The following FAM210A variants were observed in gnomAD, a reference collection of about 807,000 sequenced individuals.
The protein encoded by FAM210A is mitochondrial inner membrane scaffold 1.
FAM210A carries 13 observed loss-of-function variants against 25.3 expected under a neutral mutation model. The ratio of observed to expected loss-of-function variants is 0.51; its 90% CI spans 0.33 to 0.82. The LOEUF is 0.82. Ranked by LOEUF, FAM210A falls within the 40% of genes least tolerant of loss-of-function variation. The pLI is 0.02. For missense variants in FAM210A, 319 were observed against 323.2 expected (o/e 0.99, Z 0.10); for synonymous variants, 125 against 118.7 (o/e 1.05, Z -0.35).
At chr18:13,670,237 G>A (rs2043430719) in intron 3 of FAM210A, among the ~76,000 whole-genome samples, 1 of 152,134 alleles carries the variant, frequency 6.6e-6, no homozygotes, top group Non-Finnish European at 1.5e-5. Context: ...TCATGCTATG[G>A]GAGTGGGATA....
At chr18:13,666,994 G>C (rs1477738743) in intron 3 of FAM210A, among the ~76,000 whole-genome samples, 1 of 152,180 alleles carries the variant, frequency 6.6e-6, no homozygotes, top group Non-Finnish European at 1.5e-5. Context: ...AAACTTGGGG[G>C]ACAGGTCAAC....
At chr18:13,668,523 A>G (rs557168128) in intron 3 of FAM210A, among the ~76,000 whole-genome samples, 1 of 152,348 alleles carries the variant, frequency 6.6e-6, no homozygotes, top group Admixed American at 6.5e-5. Flanking sequence ...ATTCCAGTAT[A>G]TACAACCACC....
At chr18:13,720,698 C>T (rs563320573) in intron 1 of FAM210A, among the ~76,000 whole-genome samples, 32 of 151,296 alleles carry the variant, frequency 2.1e-4, no homozygotes, top group African/African-American at 7.5e-4. Context: ...ATCAGGGTCT[C>T]TATTTGTTTG....
At chr18:13,689,947 A>G (rs1787879) in intron 1 of FAM210A, among the ~76,000 whole-genome samples, 140,417 of 152,300 alleles carry the variant, frequency 0.92, 64,780 homozygotes, top group East Asian at 0.97. Context: ...AGCCCACGGA[A>G]CAGGGCAGGG....
chr18:13,706,916 T>C (rs988597885), intron 1 of FAM210A, among the ~76,000 whole-genome samples: 5 of 152,202 alleles, frequency 3.3e-5, no homozygotes, highest in Admixed American at 1.3e-4. Context: ...CTTTGATCTA[T>C]TTGATTTTAG....
intron 1 of FAM210A, among the ~76,000 whole-genome samples, chr18:13,699,745 G>A (rs1003157850): frequency 1.3e-4 from 20 of 152,052 alleles, no homozygotes; most frequent in Non-Finnish European, 2.2e-4. Flanking sequence ...CTTTTATCGC[G>A]TGGTATTTAT....
At chr18:13,682,499 C>T (rs148799455) in intron 1 of FAM210A, among the ~76,000 whole-genome samples, 2,713 of 152,134 alleles carry the variant, frequency 0.018, 30 homozygotes, top group Middle Eastern at 0.061. Context: ...ACCCGGGAAG[C>T]GGAGGGTGCA....
intron 3 of FAM210A, among the ~76,000 whole-genome samples, chr18:13,670,442 G>A (rs1040239703): frequency 6.6e-6 from 1 of 152,122 alleles, no homozygotes; most frequent in African/African-American, 2.4e-5. Context: ...GATTTCAGAG[G>A]ATGCTAATGA....
chr18:13,713,932 TC>T (rs955582726), intron 1 of FAM210A, among the ~76,000 whole-genome samples: 4 of 152,148 alleles, frequency 2.6e-5, no homozygotes, highest in African/African-American at 9.7e-5. Context: ...CCAACATTAC[TC>T]CCGGAAATTT....
intron 1 of FAM210A, among the ~76,000 whole-genome samples, chr18:13,694,643 C>A (rs2043676942): frequency 6.6e-6 from 1 of 152,142 alleles, no homozygotes; most frequent in Admixed American, 6.5e-5. Context: ...ATAAATGGTG[C>A]TGGGAAAACT....
Position 13,726,026 on chromosome 18 carries a change from A to AG in FAM210A, c.-29+302dup, listed in dbSNP as rs148360710. On this transcript the variant is annotated intron_variant, in intron 1 of 3. Coordinates refer to ENST00000651643, the MANE Select transcript of FAM210A (RefSeq NM_152352.4). ...CCCCTCTTCAACTGGCTTCGGAAGAAGGGGGGAGAACACGGTGAAGGGTTA... is the reference window on the plus strand; with the variant it reads ...CCCCTCTTCAACTGGCTTCGGAAGAAGGGGGGGAGAACACGGTGAAGGGTTA... 9.8e-4 allele frequency among the ~76,000 whole-genome samples: 150 copies of AG among 152,324 alleles called. 3 individuals are homozygous for AG. The East Asian group carries it at 0.02, about 20-fold the overall frequency.
chr18:13,705,923 T>G (rs1208171074), intron 1 of FAM210A, among the ~76,000 whole-genome samples: 1 of 152,260 alleles, frequency 6.6e-6, no homozygotes, highest in Non-Finnish European at 1.5e-5. Flanking sequence ...GCATGTTTTC[T>G]GGTTGTATAA....
chr18:13,725,556 A>G (rs2043934941), intron 1 of FAM210A, among the ~76,000 whole-genome samples: 1 of 152,218 alleles, frequency 6.6e-6, no homozygotes, highest in Admixed American at 6.5e-5. Context: ...CAATTTTGGT[A>G]AAGAGTAATT....
chr18:13,718,343 A>G (rs2043876289), intron 1 of FAM210A, among the ~76,000 whole-genome samples: 2 of 152,180 alleles, frequency 1.3e-5, no homozygotes, highest in African/African-American at 4.8e-5. Flanking sequence ...GAACCTGAGT[A>G]CAACTGTATA....
At chr18:13,677,374 CCT>C (rs1568477950) in intron 2 of FAM210A, among the ~76,000 whole-genome samples, 1 of 152,166 alleles carries the variant, frequency 6.6e-6, no homozygotes, top group East Asian at 1.9e-4. Flanking sequence ...ACGCCCGGCC[CCT>C]GTCCCGCTTA....
At chr18:13,701,840 A>T (rs1184054358) in intron 1 of FAM210A, among the ~76,000 whole-genome samples, 4 of 152,210 alleles carry the variant, frequency 2.6e-5, no homozygotes, top group African/African-American at 9.6e-5. Flanking sequence ...CTGACTTTGG[A>T]TAAGTTATGG....
At chr18:13,675,288 A>G (rs2149053676) in intron 2 of FAM210A, among the ~76,000 whole-genome samples, 1 of 104,278 alleles carries the variant, frequency 9.6e-6, no homozygotes, top group African/African-American at 3.7e-5. Flanking sequence ...CTGATTATTA[A>G]CATTCCTGAG....
At chr18:13,706,057 AG>A (rs1456723300) in intron 1 of FAM210A, among the ~76,000 whole-genome samples, 1 of 152,336 alleles carries the variant, frequency 6.6e-6, no homozygotes, top group East Asian at 1.9e-4. Flanking sequence ...GAATATTCTG[AG>A]GACATCAGAG....
intron 2 of FAM210A, among the ~76,000 whole-genome samples, chr18:13,679,805 A>T (rs547377471): frequency 3.3e-5 from 5 of 152,354 alleles, no homozygotes; most frequent in Admixed American, 3.3e-4. Context: ...GTTGCATTTT[A>T]CAGGGGATGA....
Sources: gnomAD v4.1 joint callset for allele counts (sites outside exome capture counted in the v4.1 genomes callset) on GRCh38, gnomAD v4.1.1 for gene constraint, MANE v1.5 for transcripts, NCBI Gene and HGNC (gene_info 2026-07-23, HGNC 2026-07-21) for gene names.